CPNE9: variants seen among roughly 807,000 people sequenced by gnomAD.
CPNE9 encodes copine-9.
A neutral mutation model predicts 83.0 loss-of-function variants in CPNE9; 59 were observed. The observed-to-expected ratio is 0.71, with a 90% CI of 0.58 to 0.88. The LOEUF is 0.88. CPNE9 is among the 40% of genes least tolerant of loss of function. CPNE9 has a pLI of 0.00. For missense variants in CPNE9, 619 were observed against 720.8 expected, an observed-to-expected ratio of 0.86 and a Z score of 1.62; for synonymous variants, 256 against 273.4, an observed-to-expected ratio of 0.94 and a Z score of 0.63.
rs1421117813 is a variant in CPNE9, at chr3:9,715,322, C to T, written c.726C>T (p.Tyr242=). Residue 242 remains tyrosine (Y), a synonymous_variant, in exon 12 of 21, where the codon TAC becomes TAT. Transcript: ENST00000383832. The part of the protein sequence containing the change: ...HDFIGEFTTS[Y]RELSKAQNQF... ...TCATTGGTGAGTTCACCACCAGCTA[C>T]CGGGAGCTGAGCAAGGCCCAGAACC... is the stretch of plus-strand genomic sequence containing the variant. 7.4e-6 allele frequency: 12 copies of T among 1,614,244 alleles called. No individual in the cohort carries two copies. The highest frequency in any genetic ancestry group is 1.3e-5 in the African/African-American group (1 of 75,074).
chr3:9,709,640 T>C (rs1253973322), intron 7 of CPNE9, among the ~76,000 whole-genome samples: 1 of 150,696 alleles, frequency 6.6e-6, no homozygotes, highest in Non-Finnish European at 1.5e-5. Flanking sequence ...AGTGCTGGGA[T>C]TACAGACGTG....
Position 9,703,987 on chromosome 3 carries a change from C to G in CPNE9, c.-10C>G, listed in dbSNP as rs776868249. ...CGCAGCCTCCTGCGGCTCTGGTCGC[C>G]CGACCAGCCATGTCTCTCGGCGGAG... is the stretch of plus-strand genomic sequence containing the variant. On this transcript the variant is annotated 5_prime_UTR_variant, in exon 1 of 21. Coordinates refer to ENST00000383832, the MANE Select transcript of CPNE9 (RefSeq NM_153635.3). 1 of 1,599,774 alleles carries G rather than the reference C, an allele frequency of 6.3e-7. No individual in the cohort carries two copies. The highest frequency in any genetic ancestry group is 1.3e-5 in the African/African-American group (1 of 74,772).
At chr3:9,709,028 C>T (rs1020323960) in intron 7 of CPNE9, among the ~76,000 whole-genome samples, 4 of 150,252 alleles carry the variant, frequency 2.7e-5, no homozygotes, top group Non-Finnish European at 4.4e-5. Context: ...AATCCCAGCA[C>T]TTTGGGAGGC....
At chr3:9,712,638 C>G in intron 8 of CPNE9, 34 bp downstream of exon 8, 1 of 1,609,794 alleles carries the variant, frequency 6.2e-7, no homozygotes, top group African/African-American at 1.3e-5. Flanking sequence ...CCCAGGAGCT[C>G]CCTTCTCTCC....
chr3:9,709,210 A>G (rs1446272028), intron 7 of CPNE9, among the ~76,000 whole-genome samples: 1 of 143,840 alleles, frequency 7.0e-6, no homozygotes, highest in Non-Finnish European at 1.5e-5. Flanking sequence ...CGGGAGGCGG[A>G]GGTTGCAGTG....
chr3:9,712,407 G>A, intron 7 of CPNE9, 134 bp from the exon 8 acceptor site: 1 of 745,980 alleles, frequency 1.3e-6, no homozygotes, highest in Non-Finnish European at 2.4e-6. Flanking sequence ...TTCCTCACCA[G>A]AAGGCACTCA....
At chr3:9,728,503 A>G (rs1472282908) in intron 20 of CPNE9, among the ~76,000 whole-genome samples, 1 of 152,066 alleles carries the variant, frequency 6.6e-6, no homozygotes, top group East Asian at 1.9e-4. Flanking sequence ...CATGTCTGTA[A>G]TCCCAGCTAC....
chr3:9,725,778 C>CAT (rs1305345875), intron 17 of CPNE9, among the ~76,000 whole-genome samples, 171 bp from the exon 18 acceptor site: 4 of 150,708 alleles, frequency 2.7e-5, no homozygotes, highest in South Asian at 2.1e-4. Context: ...GATATATACA[C>CAT]ATATATATAT....
At chr3:9,705,762 G>T in intron 6 of CPNE9, 42 bp downstream of exon 6, 1 of 1,606,038 alleles carries the variant, frequency 6.2e-7, no homozygotes, top group Non-Finnish European at 8.5e-7. Flanking sequence ...GGGTGGGGGT[G>T]GTATTGTGGA....
intron 7 of CPNE9, among the ~76,000 whole-genome samples, chr3:9,709,442 C>T (rs1000217798): frequency 6.7e-6 from 1 of 149,248 alleles, no homozygotes; most frequent in African/African-American, 2.5e-5. Context: ...GATCTTGGCC[C>T]ACTGCAACCT....
chr3:9,712,340 A>C (rs1345138402), intron 7 of CPNE9, among the ~76,000 whole-genome samples: 1 of 152,106 alleles, frequency 6.6e-6, no homozygotes, highest in Non-Finnish European at 1.5e-5. Flanking sequence ...TGTTCACCTA[A>C]GCTGTTCTAA....
At position 9,729,651 on chromosome 3, in the gene CPNE9, C is replaced by G. The variant is rs1319795307; in HGVS notation, c.1621C>G (p.Pro541Ala). Residue 541 changes from proline (P) to alanine (A), a missense_variant, in exon 21 of 21, where the codon CCT becomes GCT. By Grantham distance (27) the Pro-to-Ala change is conservative. Coordinates refer to ENST00000383832, the MANE Select transcript of CPNE9 (RefSeq NM_153635.3). The stretch of plus-strand genomic sequence containing the variant: ...AGACATCCAGCCTCGGCCCCCACCC[C>G]CTGCCAACCCCAGCCCGATCCCAGC... ...TRDIQPRPPP[P>A]ANPSPIPAPE... The G allele has an allele frequency of 6.2e-7, 1 of 1,614,078 alleles. No individual in the cohort carries two copies. Among genetic ancestry groups the G allele is most frequent in the Admixed American group, 1.7e-5 (1 of 60,020 alleles).
intron 17 of CPNE9, among the ~76,000 whole-genome samples, chr3:9,720,747 T>C (rs1463186098): frequency 1.3e-5 from 2 of 152,232 alleles, no homozygotes; most frequent in Non-Finnish European, 2.9e-5. Context: ...ACTTCTTAAA[T>C]ATTATCTTAT....
Position 9,704,837 on chromosome 3 carries a change from G to A in CPNE9, c.156+42G>A, listed in dbSNP as rs188299449. 6 of 1,602,384 alleles carry A rather than the reference G, an allele frequency of 3.7e-6. No homozygotes were observed. Among genetic ancestry groups the A allele is most frequent in the Admixed American group, 3.4e-5 (2 of 58,558 alleles). The stretch of plus-strand genomic sequence containing the variant: ...CCTCCCGGCCCAGGGCGTCGCCCGG[G>A]AATTCCCCTGCCCGTCTGCACGTCC... On this transcript the variant is annotated intron_variant, in intron 3 of 20. Transcript: ENST00000383832. This position sits in a 1 kb window ranked among gnomAD's most constrained non-coding sequence, Gnocchi z 7.1.
chr3:9,718,388 T>C, intron 16 of CPNE9, 87 bp from the exon 17 acceptor site: 2 of 1,527,728 alleles, frequency 1.3e-6, no homozygotes, highest in Non-Finnish European at 1.8e-6. Flanking sequence ...AAGGGACTGA[T>C]GGAAAAAGGA....
rs2076545369 is a variant in CPNE9 at position 9,704,889 on chromosome 3, A to G, written c.157-2A>G. 1.2e-6 allele frequency: 2 copies of G among 1,611,206 alleles called. No homozygotes were observed. Among genetic ancestry groups the G allele is most frequent in the African/African-American group, 2.7e-5 (2 of 74,574 alleles). On this transcript the variant is annotated splice_acceptor_variant, in intron 3 of 20. Transcript: ENST00000383832. LOFTEE classifies it high-confidence loss of function. The surrounding 1 kb of genome is among the most constrained non-coding windows in gnomAD (Gnocchi z 7.1). ...ACGCTGACCCTCCACCCCCCTACCC[A>G]GTTCGGACGGACCGAGGTGATTGAT...
intron 18 of CPNE9, among the ~76,000 whole-genome samples, chr3:9,726,418 CT>C (rs2076785221): frequency 6.6e-6 from 1 of 151,964 alleles, no homozygotes; most frequent in Non-Finnish European, 1.5e-5. Flanking sequence ...CCAGGGAGAC[CT>C]TTTTTTAAAA....
intron 7 of CPNE9, among the ~76,000 whole-genome samples, chr3:9,709,268 T>A: frequency 8.3e-6 from 1 of 120,842 alleles, no homozygotes. Flanking sequence ...AGAGGGAGAC[T>A]CCATCTCAAA....
At chr3:9,705,419 T>TCCCCCCCCCCCCCCCCCCCC in intron 4 of CPNE9, 45 bp from the exon 5 acceptor site, 1 of 662,624 alleles carries the variant, frequency 1.5e-6, no homozygotes, top group Non-Finnish European at 2.7e-6. Flanking sequence ...TTCCACCCTC[T>TCCCCCCCCCCCCCCCCCCCC]CCCCCACCCA....
Sources: allele counts gnomAD v4.1 joint callset (sites outside exome capture counted in the v4.1 genomes callset), GRCh38; gene constraint gnomAD v4.1.1; non-coding constraint Gnocchi (gnomAD v3.1); transcripts MANE v1.5; gene names NCBI Gene and HGNC (gene_info 2026-07-23, HGNC 2026-07-21).